Variants in RUNX2 observed in about 807,000 individuals in gnomAD.
The protein encoded by RUNX2 is runt-related transcription factor 2.
RUNX2 carries 10 observed loss-of-function variants against 51.7 expected under a neutral mutation model. The ratio of observed to expected loss-of-function variants is 0.19; its 90% CI spans 0.12 to 0.33. The LOEUF is 0.33. RUNX2 is among the 10% of genes least tolerant of loss of function. RUNX2 has a pLI of 1.00. For synonymous variants in RUNX2, 276 were observed against 273.6 expected (o/e 1.01, Z -0.09); for missense variants, 562 against 691.3 (o/e 0.81, Z 2.10).
At chr6:45,488,726 TA>T (rs1488945383) in intron 5 of RUNX2, among the ~76,000 whole-genome samples, 2 of 152,200 alleles carry the variant, frequency 1.3e-5, no homozygotes, top group African/African-American at 4.8e-5. Flanking sequence ...GAAGTTCAGC[TA>T]GAGAAGGGAT....
At position 45,549,157 on chromosome 6, in the gene RUNX2, T is replaced by TCCAAAC. The variant is rs1802492409; in HGVS notation, c.*1853_*1858dup. ...CAGATTTCCAAGTGCAAATCCTTAATCCAAACAAGGATCATCTAATGACAC... is the reference window on the plus strand; with the variant it reads ...CAGATTTCCAAGTGCAAATCCTTAATCCAAACCCAAACAAGGATCATCTAATGACAC... On this transcript the variant is annotated 3_prime_UTR_variant, in exon 9 of 9. Coordinates refer to ENST00000647337, the MANE Select transcript of RUNX2 (RefSeq NM_001024630.4). 2.5e-6 allele frequency: 1 copy of TCCAAAC among 398,446 alleles called. No individual in the cohort carries two copies. Among genetic ancestry groups the TCCAAAC allele is most frequent in the African/African-American group, 2.1e-5 (1 of 48,598 alleles). The allele number at this position is 398,446 out of a possible 1,614,324, so 24.7% of individuals were successfully genotyped here. A position where few individuals can be genotyped will look rare whatever the true frequency, so the allele number is the denominator to read the frequency against.
intron 3 of RUNX2, 90 bp downstream of exon 3, chr6:45,423,047 G>T (rs1200807394): frequency 7.2e-6 from 11 of 1,525,384 alleles, no homozygotes; most frequent in Admixed American, 3.8e-5. Flanking sequence ...GGCCCCGGAC[G>T]TCCTCCAAGA....
intron 2 of RUNX2, among the ~76,000 whole-genome samples, chr6:45,416,140 G>A (rs1243409386): frequency 6.6e-6 from 1 of 152,128 alleles, no homozygotes; most frequent in Non-Finnish European, 1.5e-5. Flanking sequence ...AACTTAGAAT[G>A]GTGACTTATA....
At chr6:45,519,357 G>C (rs1483700307) in intron 7 of RUNX2, among the ~76,000 whole-genome samples, 1 of 152,124 alleles carries the variant, frequency 6.6e-6, no homozygotes, top group Non-Finnish European at 1.5e-5. Context: ...TGTGATGTTT[G>C]ATGTAATTGA....
intron 2 of RUNX2, among the ~76,000 whole-genome samples, chr6:45,360,444 GA>G (rs1309398058): frequency 6.6e-6 from 1 of 152,056 alleles, no homozygotes; most frequent in Non-Finnish European, 1.5e-5. Context: ...CCAGTTTCCT[GA>G]AAAACTTAAA....
At chr6:45,346,262 T>G (rs1790835004) in intron 2 of RUNX2, among the ~76,000 whole-genome samples, 1 of 152,070 alleles carries the variant, frequency 6.6e-6, no homozygotes, top group Non-Finnish European at 1.5e-5. Context: ...GATACTGAAG[T>G]TTTTAAATTG....
chr6:45,463,210 C>T (rs1446644651), intron 5 of RUNX2, among the ~76,000 whole-genome samples: 2 of 152,176 alleles, frequency 1.3e-5, no homozygotes, highest in Non-Finnish European at 2.9e-5. Context: ...CATGCTGATA[C>T]TTTCCAATGG....
In RUNX2 at chr6:45,547,129, C is replaced by T. The variant is rs373218126; in HGVS notation, c.1390C>T (p.Arg464Trp). 3.1e-6 allele frequency: 5 copies of T among 1,613,932 alleles called. No homozygotes were observed. The highest frequency in any genetic ancestry group is 1.1e-5 in the South Asian group (1 of 91,070). ...GTTTCCCATGGTGCCGGGGGGAGAC[C>T]GGTCTCCTTCCAGAATGCTTCCGCC... ...YQFPMVPGGD[R>W]SPSRMLPPCT... Residue 464 changes from arginine to tryptophan, a missense_variant, in exon 9 of 9, where the codon CGG becomes TGG. Arg to Trp is a moderately radical substitution (Grantham distance 101). Around this residue, in one of 5 missense-constraint regions of RUNX2, gnomAD observed 304 missense variants for 353.2 expected, o/e 0.86. Transcript: ENST00000647337.
At chr6:45,414,888 T>C (rs1158276727) in intron 2 of RUNX2, among the ~76,000 whole-genome samples, 5 of 151,834 alleles carry the variant, frequency 3.3e-5, no homozygotes, top group African/African-American at 4.8e-5. Context: ...TCATGGAAGA[T>C]GTCAGGACGA....
chr6:45,387,246 G>A (rs749295292), intron 2 of RUNX2, among the ~76,000 whole-genome samples: 2 of 152,170 alleles, frequency 1.3e-5, no homozygotes, highest in East Asian at 1.9e-4. Context: ...ATATGTTTGA[G>A]GTGACTGTAC....
intron 2 of RUNX2, among the ~76,000 whole-genome samples, chr6:45,393,574 C>T (rs1026942507): frequency 1.1e-4 from 17 of 152,020 alleles, no homozygotes; most frequent in Non-Finnish European, 2.4e-4. Flanking sequence ...GGACTGCAGG[C>T]GCCCGCCACC....
chr6:45,530,133 C>T (rs1167939406), intron 7 of RUNX2, among the ~76,000 whole-genome samples: 1 of 152,178 alleles, frequency 6.6e-6, no homozygotes, highest in East Asian at 1.9e-4. Flanking sequence ...GCTAAGTTGC[C>T]TTCCTCCTGC....
chr6:45,329,315 A>G (rs925177612), intron 2 of RUNX2, among the ~76,000 whole-genome samples: 3 of 152,004 alleles, frequency 2.0e-5, no homozygotes, highest in Non-Finnish European at 4.4e-5. Context: ...AAATCTACTT[A>G]TAAATTCAAA....
chr6:45,363,101 G>A (rs532820952), intron 2 of RUNX2, among the ~76,000 whole-genome samples: 1 of 152,004 alleles, frequency 6.6e-6, no homozygotes, highest in African/African-American at 2.4e-5. Context: ...TTCTGTAAAA[G>A]ACCATATAGT....
In RUNX2 at chr6:45,548,271, G is replaced by T. The variant is rs1242375346; in HGVS notation, c.*966G>T. 6.6e-6 allele frequency: 1 copy of T among 152,482 alleles called. No homozygotes were observed. Among genetic ancestry groups the T allele is most frequent in the Admixed American group, 6.6e-5 (1 of 15,256 alleles). 9.4% of individuals were successfully genotyped at this position (152,482 alleles called of 1,614,324 possible). ...TTAGTGTATTGATATGTTGACTTCG[G>T]TCTCTAAAAGTGCTCTTTATTAAAT... On this transcript the variant is annotated 3_prime_UTR_variant, in exon 9 of 9. Transcript: ENST00000647337.
intron 2 of RUNX2, among the ~76,000 whole-genome samples, chr6:45,357,916 C>T (rs985922749): frequency 1.3e-5 from 2 of 151,976 alleles, no homozygotes; most frequent in East Asian, 3.9e-4. Context: ...TAAATACATT[C>T]ACAAAAGAAC....
intron 3 of RUNX2, among the ~76,000 whole-genome samples, chr6:45,423,609 C>T (rs1040311818): frequency 2.6e-5 from 4 of 152,234 alleles, no homozygotes; most frequent in African/African-American, 9.6e-5. Flanking sequence ...CGGGGCTGGG[C>T]GTGGGGTGCT....
chr6:45,477,579 C>T (rs1799991019), intron 5 of RUNX2, among the ~76,000 whole-genome samples: 1 of 152,222 alleles, frequency 6.6e-6, no homozygotes. Context: ...GACTCACCTT[C>T]TCTGCCTTAC....
chr6:45,328,888 T>A, intron 2 of RUNX2, 104 bp downstream of exon 2: 3 of 1,164,298 alleles, frequency 2.6e-6, no homozygotes, highest in Non-Finnish European at 3.9e-6. Context: ...ATATTAAAGA[T>A]CCTAATTATG....
Sources: allele counts gnomAD v4.1 joint callset (sites outside exome capture counted in the v4.1 genomes callset), GRCh38; gene constraint gnomAD v4.1.1; regional missense constraint gnomAD v4.1.1; transcripts MANE v1.5; gene names NCBI Gene and HGNC (gene_info 2026-07-23, HGNC 2026-07-21).